The following CNTNAP2 variants were observed in gnomAD, a reference collection of about 807,000 sequenced individuals.
CNTNAP2 encodes contactin associated protein 2.
In CNTNAP2, 98 loss-of-function variants were observed where a neutral mutation model predicts 155.2. The ratio of observed to expected loss-of-function variants is 0.63; its 90% CI spans 0.54 to 0.75. The LOEUF (loss-of-function observed/expected upper bound fraction) is 0.75. Among genes scored for constraint, CNTNAP2 ranks in the 30% least tolerant of loss-of-function variants. The probability of loss-of-function intolerance (pLI) is 0.00; values close to 1 mark genes in which losing one functional copy is unlikely to be tolerated. For synonymous variants in CNTNAP2, 651 were observed against 631.2 expected (o/e 1.03, Z -0.47); for missense variants, 1,727 against 1,688.1 (o/e 1.02, Z -0.40).
chr7:147,530,514 TGAA>T (rs1799413086), intron 11 of CNTNAP2, among the ~76,000 whole-genome samples: 1 of 151,832 alleles, frequency 6.6e-6, no homozygotes, highest in Non-Finnish European at 1.5e-5. Flanking sequence ...CAAGAAAAAA[TGAA>T]GAAGAAGCAA....
chr7:147,232,916 T>C (rs1448040002), intron 8 of CNTNAP2, among the ~76,000 whole-genome samples: 1 of 152,170 alleles, frequency 6.6e-6, no homozygotes, highest in African/African-American at 2.4e-5. Flanking sequence ...GTGGTTTCTC[T>C]AGTTCAATCA....
chr7:146,619,504 A>G (rs960580249), intron 1 of CNTNAP2, among the ~76,000 whole-genome samples: 1 of 152,206 alleles, frequency 6.6e-6, no homozygotes. Context: ...TCAATCATTA[A>G]TTGTATGCAA....
At chr7:148,012,882 G>C (rs964215901) in intron 15 of CNTNAP2, among the ~76,000 whole-genome samples, 4 of 152,188 alleles carry the variant, frequency 2.6e-5, no homozygotes, top group African/African-American at 9.6e-5. Flanking sequence ...GAGTATATCT[G>C]TAGGAAATGT....
chr7:146,711,014 C>A (rs1414079631), intron 1 of CNTNAP2, among the ~76,000 whole-genome samples: 1 of 151,774 alleles, frequency 6.6e-6, no homozygotes, highest in Non-Finnish European at 1.5e-5. Flanking sequence ...TAACCTGGAA[C>A]CTCCTTGCTC....
chr7:147,447,744 T>G (rs1048664064), intron 10 of CNTNAP2, among the ~76,000 whole-genome samples: 1 of 152,066 alleles, frequency 6.6e-6, no homozygotes, highest in African/African-American at 2.4e-5. Flanking sequence ...TTTGCTGCCT[T>G]CTTTACAATT....
chr7:148,253,009 C>CATATATAG (rs1796391007), intron 20 of CNTNAP2, among the ~76,000 whole-genome samples: 1 of 141,848 alleles, frequency 7.0e-6, no homozygotes, highest in African/African-American at 2.7e-5. Flanking sequence ...TAGATAGATA[C>CATATATAG]ATAGATAGAT....
chr7:146,822,335 G>C (rs13438749), intron 2 of CNTNAP2, among the ~76,000 whole-genome samples: 11 of 151,964 alleles, frequency 7.2e-5, no homozygotes, highest in African/African-American at 2.2e-4. Context: ...GTGGGGGCAG[G>C]GGGGAGTGAT....
intron 1 of CNTNAP2, among the ~76,000 whole-genome samples, chr7:146,485,255 T>G (rs1441021061): frequency 1.3e-5 from 2 of 152,132 alleles, no homozygotes; most frequent in Admixed American, 1.3e-4. Context: ...CAAGCAGCCT[T>G]TATTAACCAC....
chr7:146,148,822 A>G (rs1264876386), intron 1 of CNTNAP2, among the ~76,000 whole-genome samples: 1 of 152,184 alleles, frequency 6.6e-6, no homozygotes. Flanking sequence ...GCTAATCAGA[A>G]CAAAAAAAGG....
intron 13 of CNTNAP2, among the ~76,000 whole-genome samples, chr7:147,737,083 AG>A (rs1796865160): frequency 6.6e-6 from 1 of 152,078 alleles, no homozygotes; most frequent in Non-Finnish European, 1.5e-5. Flanking sequence ...ATTCCTTTGG[AG>A]GTGGAGAGGC....
chr7:146,367,883 A>T (rs1365232236), intron 1 of CNTNAP2, among the ~76,000 whole-genome samples: 2 of 152,098 alleles, frequency 1.3e-5, no homozygotes, highest in South Asian at 4.1e-4. Flanking sequence ...TCATCTAAAC[A>T]TTAGCTTGCA....
chr7:146,931,887 G>A (rs1160081883), intron 3 of CNTNAP2, among the ~76,000 whole-genome samples: 1 of 152,140 alleles, frequency 6.6e-6, no homozygotes, highest in Non-Finnish European at 1.5e-5. Context: ...ACTAATCCAG[G>A]AAGAAGTTGA....
intron 21 of CNTNAP2, among the ~76,000 whole-genome samples, chr7:148,318,922 C>T (rs1797738792): frequency 6.6e-6 from 1 of 152,170 alleles, no homozygotes; most frequent in South Asian, 2.1e-4. Flanking sequence ...CTCAGCTTAC[C>T]AATTCTGGCC....
intron 21 of CNTNAP2, among the ~76,000 whole-genome samples, chr7:148,371,033 C>A (rs1798878104): frequency 6.6e-6 from 1 of 152,162 alleles, no homozygotes; most frequent in Admixed American, 6.5e-5. Context: ...GAACTGATCA[C>A]CTCTCTGGGG....
Position 147,235,345 on chromosome 7 carries a change from G to GGTTGTGT in CNTNAP2, c.1349-64794_1349-64793insTGTGTGT, listed in dbSNP as rs1554455459. Among the ~76,000 whole-genome samples, 25 of 140,974 alleles carry GGTTGTGT rather than the reference G, an allele frequency of 1.8e-4. No individual in the cohort carries two copies. The East Asian group carries it at 5.5e-3, about 31-fold the overall frequency. The allele number at this position is 140,974 out of a possible 152,430, so 92.5% of individuals were successfully genotyped here. ...ACCTTTTTATAGAGATGGAGTTTTTGGTGTGTGTGTGTGTGTGTGTGTGTG... is the reference window on the plus strand; with the variant it reads ...ACCTTTTTATAGAGATGGAGTTTTTGGTTGTGTGTGTGTGTGTGTGTGTGTGTGTGTG... On this transcript the variant is annotated intron_variant, in intron 8 of 23. Coordinates refer to ENST00000361727, the MANE Select transcript of CNTNAP2 (RefSeq NM_014141.6).
intron 2 of CNTNAP2, among the ~76,000 whole-genome samples, chr7:146,790,974 GGTTT>G (rs1802663279): frequency 6.6e-6 from 1 of 151,810 alleles, no homozygotes; most frequent in Admixed American, 6.6e-5. Flanking sequence ...GGAATGTGCA[GGTTT>G]GTTACACAGG....
intron 13 of CNTNAP2, among the ~76,000 whole-genome samples, chr7:147,893,299 A>T (rs1360299186): frequency 7.9e-5 from 12 of 152,132 alleles, no homozygotes; most frequent in Non-Finnish European, 1.5e-5. Flanking sequence ...ATGGTTATAA[A>T]ACTGAGAAAA....
chr7:147,076,239 G>C (rs1799998960), intron 4 of CNTNAP2, among the ~76,000 whole-genome samples: 1 of 152,164 alleles, frequency 6.6e-6, no homozygotes, highest in Non-Finnish European at 1.5e-5. Context: ...CTAGTTTACA[G>C]TCCCACCAAC....
intron 10 of CNTNAP2, among the ~76,000 whole-genome samples, chr7:147,408,806 T>G (rs2116483563): frequency 6.6e-6 from 1 of 152,188 alleles, no homozygotes; most frequent in East Asian, 1.9e-4. Context: ...AGACTGTAAT[T>G]TATCCTTTGA....
Sources: gnomAD v4.1 joint callset for allele counts (sites outside exome capture counted in the v4.1 genomes callset) on GRCh38, gnomAD v4.1.1 for gene constraint, MANE v1.5 for transcripts, NCBI Gene and HGNC (gene_info 2026-07-23, HGNC 2026-07-21) for gene names.